ST7: variants seen among roughly 807,000 people sequenced by gnomAD.
ST7 encodes the protein suppression of tumorigenicity 7.
In ST7, 28 loss-of-function variants were observed where a neutral mutation model predicts 78.7. That is an observed-to-expected ratio of 0.36 (90% CI 0.26 to 0.49). The LOEUF is 0.49. ST7 is among the 20% of genes least tolerant of loss of function. The pLI, the probability that ST7 is intolerant of heterozygous loss-of-function variation, is 0.99. For missense variants in ST7, 418 were observed against 696.0 expected (o/e 0.60, Z 4.49); for synonymous variants, 247 against 249.6 (o/e 0.99, Z 0.10).
At chr7:117,102,540 G>T (rs182039464) in intron 2 of ST7, among the ~76,000 whole-genome samples, 2 of 152,252 alleles carry the variant, frequency 1.3e-5, no homozygotes, top group Admixed American at 1.3e-4. Context: ...GGTAAGTGCT[G>T]AAGGTATGGG....
In ST7 at chr7:117,229,984, T is replaced by C. The variant is rs912801158; in HGVS notation, c.*127T>C. On this transcript the variant is annotated 3_prime_UTR_variant, in exon 16 of 16. Coordinates refer to ENST00000323984, the MANE Select transcript of ST7 (RefSeq NM_001369598.1). ...CCATTCCGAGATTTTAAAATGTTCA[T>C]GGACTATTCCATATTAAAAGCTGTT... 5.8e-6 allele frequency: 5 copies of C among 867,838 alleles called. No homozygotes were observed. Among genetic ancestry groups the C allele is most frequent in the African/African-American group, 1.6e-5 (1 of 60,746 alleles). 53.8% of individuals were successfully genotyped at this position (867,838 alleles called of 1,614,324 possible).
At chr7:117,106,015 G>A (rs1427103758) in intron 2 of ST7, among the ~76,000 whole-genome samples, 1 of 151,302 alleles carries the variant, frequency 6.6e-6, no homozygotes, top group African/African-American at 2.4e-5. Context: ...TTTTTGAGAC[G>A]GAGTCTCGCT....
chr7:116,956,689 T>C, intron 1 of ST7: 1 of 468,648 alleles, frequency 2.1e-6, no homozygotes, highest in Non-Finnish European at 4.4e-6. Flanking sequence ...TGACCATCTG[T>C]GACAATTTTA....
At chr7:117,080,968 G>A (rs1054003948) in intron 1 of ST7, 9 of 152,110 alleles carry the variant, frequency 5.9e-5, no homozygotes, top group African/African-American at 1.7e-4. Context: ...CACAGGTGTT[G>A]TGGGATACAC....
At chr7:117,180,376 T>C (rs1300156920) in intron 10 of ST7, among the ~76,000 whole-genome samples, 1 of 152,208 alleles carries the variant, frequency 6.6e-6, no homozygotes, top group Non-Finnish European at 1.5e-5. Flanking sequence ...GAGGACATGA[T>C]GCGAATGCCT....
chr7:117,014,971 A>G, intron 1 of ST7: 1 of 1,367,264 alleles, frequency 7.3e-7, no homozygotes, highest in Non-Finnish European at 9.5e-7. Context: ...TGTACTTGGA[A>G]AATACTCAGT....
At chr7:117,020,920 A>G (rs954095062) in intron 1 of ST7, among the ~76,000 whole-genome samples, 1 of 152,172 alleles carries the variant, frequency 6.6e-6, no homozygotes, top group Non-Finnish European at 1.5e-5. Context: ...CCTGTCACTG[A>G]TCTATTGTTG....
At chr7:117,115,815 C>G (rs941406558) in intron 2 of ST7, among the ~76,000 whole-genome samples, 1 of 152,098 alleles carries the variant, frequency 6.6e-6, no homozygotes, top group African/African-American at 2.4e-5. Flanking sequence ...AACACAAAAC[C>G]TTTTATTGAT....
At chr7:116,970,996 A>G (rs1284581370) in intron 1 of ST7, among the ~76,000 whole-genome samples, 1 of 152,206 alleles carries the variant, frequency 6.6e-6, no homozygotes, top group Admixed American at 6.5e-5. Flanking sequence ...GGACCCAAAG[A>G]GACCACATCA....
At chr7:117,206,536 C>T (rs1035363478) in intron 12 of ST7, among the ~76,000 whole-genome samples, 3 of 152,070 alleles carry the variant, frequency 2.0e-5, no homozygotes, top group Non-Finnish European at 4.4e-5. Flanking sequence ...TACCTCATGG[C>T]CTATGTTTGG....
chr7:117,078,304 A>T (rs1799504423), intron 1 of ST7, among the ~76,000 whole-genome samples: 1 of 152,250 alleles, frequency 6.6e-6, no homozygotes, highest in Admixed American at 6.5e-5. Context: ...CATTTTAACA[A>T]TTTAACAGTA....
chr7:117,145,147 G>A (rs1270205305), intron 9 of ST7, among the ~76,000 whole-genome samples: 1 of 152,088 alleles, frequency 6.6e-6, no homozygotes, highest in Non-Finnish European at 1.5e-5. Flanking sequence ...TAAGGCTGCA[G>A]TGAGCCATGA....
rs535314666 is a variant in ST7 at position 117,090,480 on chromosome 7, G to T, written c.152-9282G>T. On this transcript the variant is annotated intron_variant, in intron 1 of 15. Transcript: ENST00000323984. ...GGGTGCTCTGTGTTGGCTGATGGAG[G>T]ATTGAGACACAGTGTGTGTGCTTGT... 1.1e-4 allele frequency among the ~76,000 whole-genome samples: 16 copies of T among 152,292 alleles called. 1 individual carries two copies. The highest frequency in any genetic ancestry group is 2.6e-4 in the African/African-American group (11 of 41,562).
intron 1 of ST7, among the ~76,000 whole-genome samples, chr7:117,043,760 T>A (rs901948821): frequency 2.3e-4 from 35 of 152,224 alleles, no homozygotes; most frequent in Non-Finnish European, 5.9e-5. Context: ...ATTTTATTAT[T>A]AGTGCTATCA....
intron 9 of ST7, among the ~76,000 whole-genome samples, chr7:117,142,737 G>A (rs1294079312): frequency 1.3e-5 from 2 of 152,010 alleles, no homozygotes; most frequent in Admixed American, 6.5e-5. Flanking sequence ...TCAGCCTCCC[G>A]AGTACCTGGG....
intron 1 of ST7, among the ~76,000 whole-genome samples, chr7:116,987,699 T>C (rs1178996931): frequency 1.3e-5 from 2 of 152,222 alleles, no homozygotes; most frequent in African/African-American, 4.8e-5. Flanking sequence ...CTCTCTTTGG[T>C]ACCAGAAATC....
intron 9 of ST7, among the ~76,000 whole-genome samples, chr7:117,169,659 C>T (rs549119654): frequency 6.6e-6 from 1 of 152,262 alleles, no homozygotes; most frequent in East Asian, 1.9e-4. Flanking sequence ...ATTCAGTCTG[C>T]CCAGGCTCAA....
Position 117,141,844 on chromosome 7 carries a change from A to G in ST7, c.963+3312A>G, listed in dbSNP as rs923306694. 2.6e-5 allele frequency among the ~76,000 whole-genome samples: 4 copies of G among 151,500 alleles called. 1 individual carries two copies. The highest frequency in any genetic ancestry group is 5.9e-5 in the Non-Finnish European group (4 of 67,908). Reference sequence around the variant, plus strand: ...ACCATCATGCCTGGCTAATTTTTGTATTTTTTGTAGAGACTGGGTTTTGCT... The same window carrying G: ...ACCATCATGCCTGGCTAATTTTTGTGTTTTTTGTAGAGACTGGGTTTTGCT... On this transcript the variant is annotated intron_variant, in intron 9 of 15. Coordinates refer to ENST00000323984, the MANE Select transcript of ST7 (RefSeq NM_001369598.1).
chr7:117,112,773 G>A (rs893755084), intron 2 of ST7: 9 of 152,236 alleles, frequency 5.9e-5, no homozygotes, highest in African/African-American at 1.4e-4. Flanking sequence ...CATCTCTGAA[G>A]CACCTTGTCT....
Sources: gnomAD v4.1 joint callset for allele counts (sites outside exome capture counted in the v4.1 genomes callset) on GRCh38, gnomAD v4.1.1 for gene constraint, MANE v1.5 for transcripts, NCBI Gene and HGNC (gene_info 2026-07-23, HGNC 2026-07-21) for gene names.